The following PRDM16 variants were observed in gnomAD, a reference collection of about 807,000 sequenced individuals.
PRDM16 encodes PR/SET domain 16.
PRDM16 carries 23 observed loss-of-function variants against 110.6 expected under a neutral mutation model. The ratio of observed to expected loss-of-function variants is 0.21; its 90% CI spans 0.15 to 0.29. The LOEUF is 0.29. PRDM16 is among the 10% of genes least tolerant of loss of function. PRDM16 has a pLI of 1.00. For synonymous variants in PRDM16, 799 were observed against 781.8 expected (o/e 1.02, Z -0.37); for missense variants, 1,615 against 1,794.3 (o/e 0.90, Z 1.81).
intron 3 of PRDM16, among the ~76,000 whole-genome samples, chr1:3,260,635 G>A (rs968188568): frequency 6.8e-6 from 1 of 147,904 alleles, no homozygotes; most frequent in South Asian, 2.2e-4. Context: ...GACCATGGTG[G>A]TAGTGATTAT....
In PRDM16 at chr1:3,157,130, C is replaced by A. The variant is rs375270701; in HGVS notation, c.38-28995C>A. 4.6e-5 allele frequency among the ~76,000 whole-genome samples: 7 copies of A among 152,286 alleles called. No individual in the cohort carries two copies. The East Asian group carries it at 5.8e-4, about 13-fold the overall frequency. Reference sequence around the variant, plus strand: ...GGTCCCAGGGCAGGGAGTGTTAGCACCTGCCGGGCTCAGCCTGGGCGGCTC... The same window carrying A: ...GGTCCCAGGGCAGGGAGTGTTAGCAACTGCCGGGCTCAGCCTGGGCGGCTC... On this transcript the variant is annotated intron_variant, in intron 1 of 16. Coordinates refer to ENST00000270722, the MANE Select transcript of PRDM16 (RefSeq NM_022114.4). The surrounding 1 kb of genome is among the most constrained non-coding windows in gnomAD (Gnocchi z 4.8).
chr1:3,219,902 C>T (rs77144847), intron 2 of PRDM16, among the ~76,000 whole-genome samples: 4,537 of 152,272 alleles, frequency 0.03, 140 homozygotes, highest in East Asian at 0.12. Context: ...CCCGGATCCA[C>T]GGAGCTAGCA....
rs373778011 is a variant in PRDM16, at chr1:3,088,448, A to ATTATTATTTATTTAT, written c.37+19157_37+19158insATTTATTTATTTATT. Among the ~76,000 whole-genome samples the ATTATTATTTATTTAT allele has an allele frequency of 4.0e-3, 578 of 146,108 alleles. 4 individuals carry two copies. The highest frequency in any genetic ancestry group is 0.011 in the Middle Eastern group (3 of 282). On this transcript the variant is annotated intron_variant, in intron 1 of 16. Coordinates refer to ENST00000270722, the MANE Select transcript of PRDM16 (RefSeq NM_022114.4). ...TCTTGGGAGATGCAGGGATTCTTTT[A>ATTATTATTTATTTAT]TTATTTATTTATTTATTTATTTATT...
At chr1:3,181,680 AGTCTTACACACGGTCTTACACACG>A (rs1305190404) in intron 1 of PRDM16, among the ~76,000 whole-genome samples, 2 of 134,732 alleles carry the variant, frequency 1.5e-5, no homozygotes, top group Admixed American at 1.5e-4. Context: ...TTACACGCGC[AGTCTTACACACGGTCTTACACACG>A]GTCTTACACA....
At chr1:3,276,192 C>T (rs1640578432) in intron 3 of PRDM16, among the ~76,000 whole-genome samples, 1 of 152,254 alleles carries the variant, frequency 6.6e-6, no homozygotes, top group African/African-American at 2.4e-5. Context: ...TTATGTCTGA[C>T]TAAAATGTCC....
intron 2 of PRDM16, among the ~76,000 whole-genome samples, chr1:3,228,110 G>T (rs984399786): frequency 1.3e-5 from 2 of 152,276 alleles, no homozygotes; most frequent in Non-Finnish European, 2.9e-5. Context: ...CACTGATTGA[G>T]TGTGCGGGGG....
chr1:3,385,312 T>C, intron 4 of PRDM16, 26 bp downstream of exon 4: 9 of 1,611,614 alleles, frequency 5.6e-6, no homozygotes, highest in Non-Finnish European at 7.6e-6. Context: ...TAACAGGGGC[T>C]TCTGCCTCTT....
chr1:3,076,583 C>T (rs1390251310), intron 1 of PRDM16, among the ~76,000 whole-genome samples: 1 of 152,162 alleles, frequency 6.6e-6, no homozygotes, highest in Admixed American at 6.5e-5. Flanking sequence ...TGGGGCTTCT[C>T]CGAGGGTGTC....
intron 3 of PRDM16, among the ~76,000 whole-genome samples, chr1:3,305,745 C>G (rs1391489300): frequency 6.6e-6 from 1 of 152,224 alleles, no homozygotes; most frequent in Non-Finnish European, 1.5e-5. Context: ...GTTTGGGATC[C>G]ACATCACATG....
intron 3 of PRDM16, among the ~76,000 whole-genome samples, chr1:3,327,604 A>G (rs1570081154): frequency 1.3e-5 from 2 of 152,246 alleles, no homozygotes; most frequent in South Asian, 4.1e-4. Context: ...GCTGCCGCCC[A>G]TGACATCTGG....
rs1266365728 is a variant in PRDM16 at position 3,438,108 on chromosome 1, A to C, written c.*4297A>C. The C allele has an allele frequency of 9.7e-6, 2 of 206,200 alleles. No individual in the cohort carries two copies. Among genetic ancestry groups the C allele is most frequent in the Non-Finnish European group, 2.0e-5 (2 of 100,930 alleles). The allele number at this position is 206,200 out of a possible 1,614,324, so 12.8% of individuals were successfully genotyped here. Reference sequence around the variant, plus strand: ...AATGTAAATGTCTGGTTTTCATATAATGTTTAAAAAGACCATTGAGAAGGA... The same window carrying C: ...AATGTAAATGTCTGGTTTTCATATACTGTTTAAAAAGACCATTGAGAAGGA... On this transcript the variant is annotated 3_prime_UTR_variant, in exon 17 of 17. Transcript: ENST00000270722.
intron 3 of PRDM16, among the ~76,000 whole-genome samples, chr1:3,278,358 G>A (rs900422150): frequency 6.6e-6 from 1 of 152,218 alleles, no homozygotes; most frequent in African/African-American, 2.4e-5. Context: ...GCCTAATACT[G>A]TCTGGATGGC....
intron 3 of PRDM16, among the ~76,000 whole-genome samples, chr1:3,283,773 T>C (rs13374875): frequency 0.018 from 2,733 of 152,194 alleles, 85 homozygotes; most frequent in African/African-American, 0.062. Context: ...AGGAAGAGTA[T>C]ATTTCCCGCC....
chr1:3,127,101 G>GA (rs1378471979), intron 1 of PRDM16, among the ~76,000 whole-genome samples: 1 of 152,216 alleles, frequency 6.6e-6, no homozygotes, highest in African/African-American at 2.4e-5. Flanking sequence ...AATGAAAAGG[G>GA]AAAGGCCAAG....
At chr1:3,226,619 CA>C (rs1346996598) in intron 2 of PRDM16, among the ~76,000 whole-genome samples, 3 of 152,206 alleles carry the variant, frequency 2.0e-5, no homozygotes, top group Admixed American at 6.5e-5. Flanking sequence ...CATTTAACAA[CA>C]AGGTTCCTTA....
chr1:3,395,411 C>G (rs1036140053), intron 4 of PRDM16, among the ~76,000 whole-genome samples: 4 of 152,152 alleles, frequency 2.6e-5, no homozygotes, highest in African/African-American at 7.2e-5. Context: ...GGAGGAGCCT[C>G]AGCCCCAGGT....
chr1:3,329,650 G>A lies in PRDM16; in HGVS notation c.439-55502G>A, dbSNP rs555583533. On this transcript the variant is annotated intron_variant, in intron 3 of 16. Transcript: ENST00000270722. Reference sequence around the variant, plus strand: ...AGGTGCCAGAGCCCTCCAGCCCAGGGCGAGCCTTCACACCCCTCTCTTCCA... The same window carrying A: ...AGGTGCCAGAGCCCTCCAGCCCAGGACGAGCCTTCACACCCCTCTCTTCCA... 1.3e-4 allele frequency among the ~76,000 whole-genome samples: 20 copies of A among 152,376 alleles called. No individual in the cohort carries two copies. The South Asian group carries it at 2.9e-3, about 22-fold the overall frequency.
In PRDM16 at chr1:3,353,574, G is replaced by GAGGGCAC. The variant is rs1299093098; in HGVS notation, c.439-31574_439-31568dup. On this transcript the variant is annotated intron_variant, in intron 3 of 16. Coordinates refer to ENST00000270722, the MANE Select transcript of PRDM16 (RefSeq NM_022114.4). This position sits in a 1 kb window ranked among gnomAD's most constrained non-coding sequence, Gnocchi z 5.4. Reference sequence around the variant, plus strand: ...AGCCAAGTACTGGGGGCCACGGGCTGAGGGCACAGGCCACAGGGGATGAGT... The same window carrying GAGGGCAC: ...AGCCAAGTACTGGGGGCCACGGGCTGAGGGCACAGGGCACAGGCCACAGGGGATGAGT... Among the ~76,000 whole-genome samples, 1 of 152,220 alleles carries GAGGGCAC rather than the reference G, an allele frequency of 6.6e-6. No homozygotes were observed. The highest frequency in any genetic ancestry group is 1.5e-5 in the Non-Finnish European group (1 of 68,020).
intron 3 of PRDM16, among the ~76,000 whole-genome samples, chr1:3,356,804 C>T (rs566314267): frequency 2.2e-3 from 341 of 152,304 alleles, no homozygotes; most frequent in Non-Finnish European, 3.7e-3. Flanking sequence ...TCCTGGAGAC[C>T]GGGCCAGTGT....
Sources: gnomAD v4.1 joint callset for allele counts (sites outside exome capture counted in the v4.1 genomes callset) on GRCh38, gnomAD v4.1.1 for gene constraint, Gnocchi (gnomAD v3.1) non-coding constraint, MANE v1.5 for transcripts, NCBI Gene and HGNC (gene_info 2026-07-23, HGNC 2026-07-21) for gene names.